The following LEMD3 variants were observed in gnomAD, a reference collection of about 807,000 sequenced individuals.
LEMD3 encodes the protein inner nuclear membrane protein Man1.
In LEMD3, 33 loss-of-function variants were observed where a neutral mutation model predicts 95.2. The ratio of observed to expected loss-of-function variants is 0.35; its 90% confidence interval spans 0.26 to 0.46. The LOEUF (loss-of-function observed/expected upper bound fraction) is 0.46, where lower values mean the gene tolerates loss of function less well. Ranked by LOEUF, LEMD3 falls within the 20% of genes least tolerant of loss-of-function variation. The probability of loss-of-function intolerance (pLI) is 1.00; values close to 1 mark genes in which losing one functional copy is unlikely to be tolerated. For missense variants in LEMD3, 1,210 were observed against 1,192.8 expected, an observed-to-expected ratio of 1.01 and a Z score of -0.21; for synonymous variants, 525 against 474.6, an observed-to-expected ratio of 1.11 and a Z score of -1.38.
chr12:65,184,291 C>T (rs915815170), intron 1 of LEMD3, among the ~76,000 whole-genome samples: 4 of 152,110 alleles, frequency 2.6e-5, no homozygotes, highest in Non-Finnish European at 2.9e-5. Context: ...TTTTTGAATA[C>T]GTTGTCTTCC....
intron 4 of LEMD3, among the ~76,000 whole-genome samples, chr12:65,223,599 T>G (rs1870359020): frequency 6.6e-6 from 1 of 152,302 alleles, no homozygotes; most frequent in Admixed American, 6.5e-5. Flanking sequence ...TTCCATCTTT[T>G]GGCTGTCAGC....
chr12:65,204,951 A>G (rs1869718428), intron 1 of LEMD3, among the ~76,000 whole-genome samples: 1 of 152,144 alleles, frequency 6.6e-6, no homozygotes, highest in African/African-American at 2.4e-5. Context: ...ACACTGCTAT[A>G]AAGAAATACC....
intron 4 of LEMD3, 41 bp downstream of exon 4, chr12:65,218,660 A>T: frequency 8.9e-7 from 1 of 1,123,510 alleles, no homozygotes; most frequent in Non-Finnish European, 1.3e-6. Context: ...ATATTTTAAA[A>T]AATTATATAA....
chr12:65,181,265 T>C (rs1868894680), intron 1 of LEMD3, among the ~76,000 whole-genome samples: 1 of 152,204 alleles, frequency 6.6e-6, no homozygotes, highest in Non-Finnish European at 1.5e-5. Flanking sequence ...CTTTCTTGTT[T>C]GATTTAGTTC....
In LEMD3 at chr12:65,242,286, C is replaced by G. The variant is rs10878252; in HGVS notation, c.2306-1102C>G. Among the ~76,000 whole-genome samples the G allele has an allele frequency of 0.015, 2,331 of 152,146 alleles. 86 individuals are homozygous for G. In the East Asian group the frequency reaches 0.17, roughly 11 times the overall value. ...TAGATTATCCTCTTTTTCTTCACCT[C>G]TAGGTGTTAGAGTTTCTCAAGGCCA... On this transcript the variant is annotated intron_variant, in intron 9 of 12. Transcript: ENST00000308330.
chr12:65,181,102 G>A (rs1868889720), intron 1 of LEMD3, among the ~76,000 whole-genome samples: 1 of 152,024 alleles, frequency 6.6e-6, no homozygotes, highest in Admixed American at 6.5e-5. Context: ...AATTTTCAAA[G>A]CATATGAAGA....
At chr12:65,198,446 C>T (rs1869497802) in intron 1 of LEMD3, among the ~76,000 whole-genome samples, 1 of 152,004 alleles carries the variant, frequency 6.6e-6, no homozygotes, top group African/African-American at 2.4e-5. Context: ...AAATAATTTT[C>T]AGGAAGAGAT....
chr12:65,228,931 C>G (rs1332664267), intron 4 of LEMD3, among the ~76,000 whole-genome samples: 1 of 152,052 alleles, frequency 6.6e-6, no homozygotes. Flanking sequence ...AGAATTTATT[C>G]CTCCTACCTA....
chr12:65,189,527 C>T (rs994417007), intron 1 of LEMD3, among the ~76,000 whole-genome samples: 18 of 152,158 alleles, frequency 1.2e-4, no homozygotes, highest in African/African-American at 3.4e-4. Flanking sequence ...GCCCAGTACC[C>T]GCCTGTAGGG....
intron 4 of LEMD3, among the ~76,000 whole-genome samples, chr12:65,227,377 C>T (rs1185767755): frequency 1.3e-5 from 2 of 152,036 alleles, no homozygotes; most frequent in Non-Finnish European, 2.9e-5. Flanking sequence ...GTCATAAATT[C>T]CTGGAGCAAG....
At chr12:65,207,650 A>G (rs1035366406) in intron 1 of LEMD3, among the ~76,000 whole-genome samples, 5 of 152,158 alleles carry the variant, frequency 3.3e-5, no homozygotes, top group Non-Finnish European at 5.9e-5. Context: ...AAAAATTGTC[A>G]TATTAGACTG....
intron 1 of LEMD3, among the ~76,000 whole-genome samples, chr12:65,186,931 A>T (rs376648665): frequency 1.3e-5 from 2 of 152,060 alleles, no homozygotes; most frequent in East Asian, 3.9e-4. Flanking sequence ...GCTAGAACAG[A>T]CATGATATGA....
In LEMD3 at chr12:65,170,614, G is replaced by T. The variant is rs755459590; in HGVS notation, c.1018G>T (p.Ala340Ser). The T allele has an allele frequency of 8.7e-6, 14 of 1,613,930 alleles. No individual in the cohort carries two copies. Among genetic ancestry groups the T allele is most frequent in the Non-Finnish European group, 1.2e-5 (14 of 1,179,976 alleles). Residue 340 changes from alanine (A) to serine (S), a missense_variant, in exon 1 of 13, where the codon GCG becomes TCG. By Grantham distance (99) the Ala-to-Ser change is moderately conservative (BLOSUM62 1). This residue lies in a region of LEMD3 where 749 missense variants were observed against 622.9 expected (regional missense o/e 1.20). Transcript: ENST00000308330. ...CCGAAACCTCGAAGAGGCGGCGGCCGCGGAGCAGGGAGGAGGGTGTGATCA... is the reference window on the plus strand; with the variant it reads ...CCGAAACCTCGAAGAGGCGGCGGCCTCGGAGCAGGGAGGAGGGTGTGATCA... Reference protein sequence around the residue: ...RSRNLEEAAAAEQGGGCDQVD... With the variant: ...RSRNLEEAAASEQGGGCDQVD...
chr12:65,169,623 T>C lies in LEMD3; in HGVS notation c.27T>C (p.Pro9=). The C allele has an allele frequency of 1.3e-6, 2 of 1,588,698 alleles. No individual in the cohort carries two copies. The highest frequency in any genetic ancestry group is 1.7e-6 in the Non-Finnish European group (2 of 1,169,710). Residue 9 remains proline (P), a synonymous_variant, in exon 1 of 13, where the codon CCT becomes CCC. Coordinates refer to ENST00000308330, the MANE Select transcript of LEMD3 (RefSeq NM_014319.5). Reference sequence around the variant, plus strand: ...TGGCGGCGGCAGCAGCTTCGGCGCCTCAGCAGCTCTCGGATGAGGAGCTTT... The same window carrying C: ...TGGCGGCGGCAGCAGCTTCGGCGCCCCAGCAGCTCTCGGATGAGGAGCTTT... MAAAAASA[P]QQLSDEELFS...
At position 65,226,414 on chromosome 12, in the gene LEMD3, G is replaced by A. The variant is rs79236588; in HGVS notation, c.1695+7795G>A. Among the ~76,000 whole-genome samples, 77 of 152,266 alleles carry A rather than the reference G, an allele frequency of 5.1e-4. No individual in the cohort carries two copies. In the East Asian group the frequency reaches 0.015, roughly 29 times the overall value. On this transcript the variant is annotated intron_variant, in intron 4 of 12. Coordinates refer to ENST00000308330, the MANE Select transcript of LEMD3 (RefSeq NM_014319.5). The stretch of plus-strand genomic sequence containing the variant: ...TTCTGGATTTTTCACAAATGGAATT[G>A]GTCCATGTATTTTTGTTGAATCGGT...
chr12:65,231,283 CAG>C (rs1460415334), intron 4 of LEMD3, among the ~76,000 whole-genome samples: 1 of 152,036 alleles, frequency 6.6e-6, no homozygotes, highest in Non-Finnish European at 1.5e-5. Context: ...AAAAGCAAAA[CAG>C]AGAGAGCTTT....
chr12:65,231,153 TTAG>T (rs1870614543), intron 4 of LEMD3, among the ~76,000 whole-genome samples: 1 of 152,152 alleles, frequency 6.6e-6, no homozygotes, highest in Admixed American at 6.5e-5. Flanking sequence ...TTTTTTATAG[TTAG>T]GTTTATGTAT....
chr12:65,197,196 G>A (rs1473914782), intron 1 of LEMD3, among the ~76,000 whole-genome samples: 1 of 152,086 alleles, frequency 6.6e-6, no homozygotes, highest in Non-Finnish European at 1.5e-5. Flanking sequence ...CAGGCTAATG[G>A]CTTCTATCTG....
At chr12:65,234,191 G>C (rs1205720654) in intron 4 of LEMD3, among the ~76,000 whole-genome samples, 2 of 152,140 alleles carry the variant, frequency 1.3e-5, no homozygotes, top group East Asian at 3.8e-4. Flanking sequence ...TGTATGGCTT[G>C]TGAGCTGTGG....
Sources: gnomAD v4.1 joint callset for allele counts (sites outside exome capture counted in the v4.1 genomes callset) on GRCh38, gnomAD v4.1.1 for gene constraint, gnomAD v4.1.1 regional missense constraint, MANE v1.5 for transcripts, NCBI Gene and HGNC (gene_info 2026-07-23, HGNC 2026-07-21) for gene names.